TOPAZ1: variants seen among roughly 807,000 people sequenced by gnomAD.
TOPAZ1 encodes testis and ovary specific TOPAZ 1.
In TOPAZ1, 66 loss-of-function variants were observed where a neutral mutation model predicts 172.2. The ratio of observed to expected loss-of-function variants is 0.38; its 90% CI spans 0.31 to 0.47. TOPAZ1 has a LOEUF of 0.47. TOPAZ1 is among the 20% of genes least tolerant of loss of function. TOPAZ1 has a pLI of 0.99. For synonymous variants in TOPAZ1, 681 were observed against 683.9 expected (o/e 1.00, Z 0.07); for missense variants, 1,822 against 1,972.4 (o/e 0.92, Z 1.44).
chr3:44,271,209 C>G (rs1335806731), intron 8 of TOPAZ1, among the ~76,000 whole-genome samples: 1 of 152,066 alleles, frequency 6.6e-6, no homozygotes, highest in Non-Finnish European at 1.5e-5. Context: ...TATATTCAGC[C>G]CTAGTAGATA....
Position 44,256,298 on chromosome 3 carries a change from G to T in TOPAZ1, c.2955+20G>T. On this transcript the variant is annotated intron_variant, in intron 4 of 19. Transcript: ENST00000309765. ...GAAAAGGTACTAGGGGATCTTTTGT[G>T]TTTTTTTATTTCTTGGTCTTAAATA... 2 of 1,506,692 alleles carry T rather than the reference G, an allele frequency of 1.3e-6. No homozygotes were observed. Among genetic ancestry groups the T allele is most frequent in the South Asian group, 2.7e-5 (2 of 75,288 alleles). 93.3% of individuals were successfully genotyped at this position (1,506,692 alleles called of 1,614,324 possible).
chr3:44,300,033 C>T (rs1357733054), intron 12 of TOPAZ1, among the ~76,000 whole-genome samples: 1 of 150,616 alleles, frequency 6.6e-6, no homozygotes, highest in Non-Finnish European at 1.5e-5. Flanking sequence ...AGCACACCAG[C>T]ATGGCACATG....
intron 3 of TOPAZ1, among the ~76,000 whole-genome samples, chr3:44,255,670 T>TACAC (rs71085609): frequency 0.029 from 1,352 of 46,286 alleles, 29 homozygotes; most frequent in Non-Finnish European, 0.04. Flanking sequence ...AAAATATATA[T>TACAC]ACACACACAC....
intron 17 of TOPAZ1, among the ~76,000 whole-genome samples, chr3:44,321,707 G>A (rs576948852): frequency 4.6e-5 from 7 of 152,274 alleles, no homozygotes; most frequent in African/African-American, 1.7e-4. Context: ...TGACGAAAAC[G>A]TTAACCTGAG....
At position 44,288,520 on chromosome 3, in the gene TOPAZ1, A is replaced by G. The variant is rs575986530; in HGVS notation, c.3681+681A>G. On this transcript the variant is annotated intron_variant, in intron 11 of 19. Transcript: ENST00000309765. ...AACATGGTGAAACCCCATCTCTACT[A>G]AAAACACACAAAAAATTAGCCGGGC... Among the ~76,000 whole-genome samples the G allele has an allele frequency of 6.6e-5, 10 of 152,188 alleles. No individual in the cohort carries two copies. The East Asian group carries it at 1.9e-3, about 29-fold the overall frequency.
At position 44,243,938 on chromosome 3, in the gene TOPAZ1, T is replaced by C. The variant is rs772492971; in HGVS notation, c.1432T>C (p.Leu478=). ...REDLRSASEE[L]KLSCQRTIPM... The stretch of plus-strand genomic sequence containing the variant: ...AGACTTAAGAAGTGCATCTGAAGAA[T>C]TGAAGTTAAGCTGTCAGAGAACAAT... The change falls in exon 2 of 20, where the codon TTG becomes CTG. Residue 478 remains leucine (L), a synonymous_variant. Coordinates refer to ENST00000309765, the MANE Select transcript of TOPAZ1 (RefSeq NM_001145030.2). 9 of 1,552,336 alleles carry C rather than the reference T, an allele frequency of 5.8e-6. No individual in the cohort carries two copies. The South Asian group carries it at 9.5e-5, about 16-fold the overall frequency.
intron 2 of TOPAZ1, among the ~76,000 whole-genome samples, chr3:44,248,405 T>C (rs1176966783): frequency 6.6e-6 from 1 of 152,228 alleles, no homozygotes; most frequent in East Asian, 1.9e-4. Context: ...GGCTCTTCTT[T>C]GCCTTTTATC....
intron 9 of TOPAZ1, 138 bp from the exon 10 acceptor site, chr3:44,287,251 A>G (rs1053738381): frequency 6.5e-6 from 3 of 460,164 alleles, no homozygotes; most frequent in African/African-American, 6.1e-5. Context: ...TACTCTTTCT[A>G]ATACTAGAAC....
chr3:44,286,565 C>G (rs1022448887), intron 9 of TOPAZ1, among the ~76,000 whole-genome samples: 1 of 152,020 alleles, frequency 6.6e-6, no homozygotes, highest in African/African-American at 2.4e-5. Context: ...TCATTTGTGC[C>G]ACTGAACTTT....
chr3:44,246,586 T>C (rs1250330311), intron 2 of TOPAZ1, among the ~76,000 whole-genome samples: 1 of 152,270 alleles, frequency 6.6e-6, no homozygotes, highest in Admixed American at 6.5e-5. Flanking sequence ...AGCCTGGTAA[T>C]CTGCCTGTTT....
At chr3:44,328,662 C>A (rs952703207) in intron 19 of TOPAZ1, among the ~76,000 whole-genome samples, 1 of 152,114 alleles carries the variant, frequency 6.6e-6, no homozygotes, top group African/African-American at 2.4e-5. Flanking sequence ...TCGGTAAACA[C>A]TTTAGCAACT....
At chr3:44,310,214 G>T (rs1278720484) in intron 16 of TOPAZ1, among the ~76,000 whole-genome samples, 1 of 152,132 alleles carries the variant, frequency 6.6e-6, no homozygotes, top group African/African-American at 2.4e-5. Context: ...ACTAGTTCTT[G>T]TTGGGCCGGG....
At chr3:44,267,269 T>C (rs1575712681) in intron 6 of TOPAZ1, 133 bp downstream of exon 6, 2 of 710,020 alleles carry the variant, frequency 2.8e-6, no homozygotes, top group East Asian at 6.2e-5. Flanking sequence ...ATTAGAAGGT[T>C]TGTGCACCTT....
At chr3:44,326,604 T>C (rs1418097902) in intron 18 of TOPAZ1, among the ~76,000 whole-genome samples, 1 of 152,214 alleles carries the variant, frequency 6.6e-6, no homozygotes, top group Non-Finnish European at 1.5e-5. Context: ...ACAAATATTT[T>C]GTCCATCCTG....
chr3:44,321,017 T>C lies in TOPAZ1; in HGVS notation c.4307-10T>C, dbSNP rs1700501192. The C allele has an allele frequency of 1.3e-6, 2 of 1,526,446 alleles. No individual in the cohort carries two copies. The highest frequency in any genetic ancestry group is 2.5e-5 in the South Asian group (2 of 80,002). The allele number at this position is 1,526,446 out of a possible 1,614,324, so 94.6% of individuals were successfully genotyped here. The stretch of plus-strand genomic sequence containing the variant: ...GGTATAAACTATTCATATTTTTTTC[T>C]TTTTGGAAGAGTCAGAGTGGATAAT... On this transcript the variant is annotated splice_polypyrimidine_tract_variant and intron_variant, in intron 16 of 19. Transcript: ENST00000309765.
intron 17 of TOPAZ1, among the ~76,000 whole-genome samples, 157 bp from the exon 18 acceptor site, chr3:44,322,935 A>C (rs1206662065): frequency 6.6e-6 from 1 of 152,198 alleles, no homozygotes; most frequent in East Asian, 1.9e-4. Context: ...GAGAAGAAAA[A>C]TAAAGAGAAT....
At chr3:44,331,683 G>C (rs969171111) in intron 19 of TOPAZ1, 109 bp from the exon 20 acceptor site, 6 of 896,102 alleles carry the variant, frequency 6.7e-6, no homozygotes, top group Non-Finnish European at 1.0e-5. Context: ...GAAGAACATG[G>C]TGAGAAGACT....
intron 12 of TOPAZ1, among the ~76,000 whole-genome samples, chr3:44,297,274 AT>A (rs2125696501): frequency 6.6e-6 from 1 of 152,302 alleles, no homozygotes; most frequent in South Asian, 2.1e-4. Flanking sequence ...GAATCCAGGA[AT>A]TTGTAAAAAG....
chr3:44,320,088 G>T (rs1211049784), intron 16 of TOPAZ1, among the ~76,000 whole-genome samples: 1 of 152,098 alleles, frequency 6.6e-6, no homozygotes, highest in Non-Finnish European at 1.5e-5. Context: ...TTCTCAATGT[G>T]AAAATCAGAG....
Sources: allele counts gnomAD v4.1 joint callset (sites outside exome capture counted in the v4.1 genomes callset), GRCh38; gene constraint gnomAD v4.1.1; transcripts MANE v1.5; gene names NCBI Gene and HGNC (gene_info 2026-07-23, HGNC 2026-07-21).